The following AK3 variants were observed in gnomAD, a reference collection of about 807,000 sequenced individuals.
AK3 encodes the protein GTP:AMP phosphotransferase AK3, mitochondrial.
AK3 carries 27 observed loss-of-function variants against 23.7 expected under a neutral mutation model. That is an observed-to-expected ratio of 1.14 (90% CI 0.84 to 1.57). The LOEUF (loss-of-function observed/expected upper bound fraction) is 1.57. Ranked by LOEUF, AK3 falls within the 40% of genes most tolerant of loss-of-function variation. The pLI is 0.00. For synonymous variants in AK3, 159 were observed against 116.0 expected, an observed-to-expected ratio of 1.37 and a Z score of -2.38; for missense variants, 406 against 285.6, an observed-to-expected ratio of 1.42 and a Z score of -3.04.
chr9:4,719,075 G>A, intron 3 of AK3, 60 bp downstream of exon 3: 1 of 1,585,080 alleles, frequency 6.3e-7, no homozygotes, highest in Non-Finnish European at 8.6e-7. Flanking sequence ...ACTTATGTCT[G>A]TTAGGGCAAG....
At chr9:4,741,471 C>T (rs1386685213), upstream of AK3, among the ~76,000 whole-genome samples, 1 of 152,074 alleles carries the variant, frequency 6.6e-6, no homozygotes, top group Non-Finnish European at 1.5e-5. Context: ...CACCCACCCC[C>T]ACGCGCCCTC....
chr9:4,736,785 C>T (rs548917674), intron 1 of AK3, among the ~76,000 whole-genome samples: 1 of 152,234 alleles, frequency 6.6e-6, no homozygotes, highest in South Asian at 2.1e-4. Flanking sequence ...TCAAACAATC[C>T]TCTCGCCTCA....
chr9:4,710,123 T>G lies in AK3; in HGVS notation c.*2853A>C, dbSNP rs1285959219. 6.6e-6 allele frequency: 1 copy of G among 152,188 alleles called. No homozygotes were observed. The highest frequency in any genetic ancestry group is 2.4e-5 in the African/African-American group (1 of 41,454). 9.4% of individuals were successfully genotyped at this position (152,188 alleles called of 1,614,324 possible). ...TGGATGGTGCTAACAACTGCTAGTTTGCATTTCCCACAGTACACGCTGCTT... is the reference window on the plus strand; with the variant it reads ...TGGATGGTGCTAACAACTGCTAGTTGGCATTTCCCACAGTACACGCTGCTT... On this transcript the variant is annotated 3_prime_UTR_variant, in exon 5 of 5. Coordinates refer to ENST00000381809, the MANE Select transcript of AK3 (RefSeq NM_016282.4).
chr9:4,713,513 A>G (rs1174702739), intron 4 of AK3, among the ~76,000 whole-genome samples: 1 of 152,170 alleles, frequency 6.6e-6, no homozygotes, highest in Non-Finnish European at 1.5e-5. Flanking sequence ...CAGGACCTAT[A>G]AGATACCAGA....
At chr9:4,722,277 G>A (rs1018790782) in intron 2 of AK3, among the ~76,000 whole-genome samples, 2 of 152,144 alleles carry the variant, frequency 1.3e-5, no homozygotes, top group Admixed American at 6.5e-5. Context: ...AAAGGGGAAA[G>A]GAACTAAAGT....
rs760388908 is a variant in AK3, at chr9:4,719,289, G to A, written c.290C>T (p.Pro97Leu). 1.4e-6 allele frequency: 2 copies of A among 1,407,068 alleles called. No individual in the cohort carries two copies. Among genetic ancestry groups the A allele is most frequent in the African/African-American group, 1.5e-5 (1 of 67,194 alleles). 87.2% of individuals were successfully genotyped at this position (1,407,068 alleles called of 1,614,324 possible). Residue 97 changes from proline to leucine, a missense_variant, in exon 3 of 5, where the codon CCA becomes CTA. Coordinates refer to ENST00000381809, the MANE Select transcript of AK3 (RefSeq NM_016282.4). ...WLLDGFPRTL[P>L]QAEALDRAYQ... ...AGCTCTATCTAGGGCTTCTGCCTGT[G>A]GAAGTGTCCTTGGAAAACCTTTATA...
chr9:4,724,164 A>T (rs1263149921), intron 1 of AK3, among the ~76,000 whole-genome samples: 1 of 152,172 alleles, frequency 6.6e-6, no homozygotes, highest in Non-Finnish European at 1.5e-5. Flanking sequence ...GGACTCACTA[A>T]AACAGCCTTA....
At chr9:4,713,915 T>TAC (rs796351454) in intron 4 of AK3, among the ~76,000 whole-genome samples, 2 of 20,940 alleles carry the variant, frequency 9.6e-5, no homozygotes, top group African/African-American at 2.2e-4. Flanking sequence ...CCTACACATA[T>TAC]ACACCTCCAC....
intron 1 of AK3, among the ~76,000 whole-genome samples, chr9:4,723,105 T>C (rs1362770549): frequency 6.6e-6 from 1 of 152,040 alleles, no homozygotes; most frequent in Non-Finnish European, 1.5e-5. Flanking sequence ...TACAAAATAA[T>C]CTAAACTTCA....
chr9:4,722,265 A>C (rs1841917769), intron 2 of AK3, among the ~76,000 whole-genome samples: 1 of 152,174 alleles, frequency 6.6e-6, no homozygotes, highest in South Asian at 2.1e-4. Flanking sequence ...ATATTCTCAA[A>C]GAAAGGGGAA....
chr9:4,718,632 C>A lies in AK3; in HGVS notation c.445-95G>T, dbSNP rs1407146683. On this transcript the variant is annotated intron_variant, in intron 3 of 4. Transcript: ENST00000381809. ...TTATTTTTAAACAGACATCTCTGTGCAAGTGCCAAGCACAAAAATGTGCTA... is the reference window on the plus strand; with the variant it reads ...TTATTTTTAAACAGACATCTCTGTGAAAGTGCCAAGCACAAAAATGTGCTA... 5 of 930,812 alleles carry A rather than the reference C, an allele frequency of 5.4e-6. No individual in the cohort carries two copies. In the Admixed American group the frequency reaches 9.1e-5, roughly 17 times the overall value. The allele number at this position is 930,812 out of a possible 1,614,324, so 57.7% of individuals were successfully genotyped here. A position where few individuals can be genotyped will look rare whatever the true frequency, so the allele number is the denominator to read the frequency against.
At chr9:4,722,864 C>T (rs1039649630) in intron 1 of AK3, among the ~76,000 whole-genome samples, 2 of 152,092 alleles carry the variant, frequency 1.3e-5, no homozygotes, top group Non-Finnish European at 2.9e-5. Flanking sequence ...CAAGACTAGC[C>T]CGGCCAACAT....
chr9:4,714,123 CAT>C (rs374039381), intron 4 of AK3, among the ~76,000 whole-genome samples: 1 of 150,630 alleles, frequency 6.6e-6, no homozygotes, highest in Admixed American at 6.6e-5. Flanking sequence ...CACACCTCCA[CAT>C]ATACACACCT....
rs1375458407 is a variant in AK3 at position 4,710,276 on chromosome 9, C to T, written c.*2700G>A. ...AGGCTGGAGTGCAGTGGCACGATCT[C>T]AGCTCACTGCAACCTCCGCCTCCCG... On this transcript the variant is annotated 3_prime_UTR_variant, in exon 5 of 5. Coordinates refer to ENST00000381809, the MANE Select transcript of AK3 (RefSeq NM_016282.4). 1 of 152,198 alleles carries T rather than the reference C, an allele frequency of 6.6e-6. No individual in the cohort carries two copies. The highest frequency in any genetic ancestry group is 1.5e-5 in the Non-Finnish European group (1 of 68,120). 9.4% of individuals were successfully genotyped at this position (152,198 alleles called of 1,614,324 possible). A position where few individuals can be genotyped will look rare whatever the true frequency, so the allele number is the denominator to read the frequency against.
chr9:4,728,646 T>C (rs1414078448), intron 1 of AK3, among the ~76,000 whole-genome samples: 3 of 152,018 alleles, frequency 2.0e-5, no homozygotes, highest in Non-Finnish European at 4.4e-5. Flanking sequence ...GCTGGTAGCA[T>C]TATAAAATGG....
intron 1 of AK3, among the ~76,000 whole-genome samples, chr9:4,727,916 A>C (rs1406233951): frequency 6.6e-6 from 1 of 152,164 alleles, no homozygotes; most frequent in Non-Finnish European, 1.5e-5. Flanking sequence ...GTCTCAGGGA[A>C]TAGGGAAGCT....
At chr9:4,716,781 A>T (rs915679362) in intron 4 of AK3, among the ~76,000 whole-genome samples, 1 of 152,136 alleles carries the variant, frequency 6.6e-6, no homozygotes, top group African/African-American at 2.4e-5. Context: ...AATTTTTTTA[A>T]TTGGCCAGGT....
chr9:4,720,653 G>A (rs1253183448), intron 2 of AK3, among the ~76,000 whole-genome samples: 1 of 149,046 alleles, frequency 6.7e-6, no homozygotes, highest in East Asian at 2.0e-4. Flanking sequence ...TGACTCCATT[G>A]CACTGCAGCC....
chr9:4,721,999 C>T (rs1234737261), intron 2 of AK3, among the ~76,000 whole-genome samples: 2 of 152,194 alleles, frequency 1.3e-5, no homozygotes, highest in African/African-American at 2.4e-5. Flanking sequence ...ACTAGATTAG[C>T]TATCCTCTTC....
Sources: gnomAD v4.1 joint callset for allele counts (sites outside exome capture counted in the v4.1 genomes callset) on GRCh38, gnomAD v4.1.1 for gene constraint, MANE v1.5 for transcripts, NCBI Gene and HGNC (gene_info 2026-07-23, HGNC 2026-07-21) for gene names.